Variants in KCNIP4 observed in about 807,000 individuals in gnomAD.
KCNIP4 encodes potassium voltage-gated channel interacting protein 4, also known as Kv channel-interacting protein 4.
KCNIP4 carries 12 observed loss-of-function variants against 34.0 expected under a neutral mutation model. The observed-to-expected ratio is 0.35, with a 90% confidence interval of 0.23 to 0.57. The LOEUF (loss-of-function observed/expected upper bound fraction) is 0.57, where lower values mean the gene tolerates loss of function less well. Among genes scored for constraint, KCNIP4 ranks in the 20% least tolerant of loss-of-function variants. KCNIP4 has a pLI of 0.83. For missense variants in KCNIP4, 238 were observed against 311.7 expected, an observed-to-expected ratio of 0.76 and a Z score of 1.78; for synonymous variants, 124 against 102.2, an observed-to-expected ratio of 1.21 and a Z score of -1.29.
chr4:21,687,833 T>C (rs925656490), intron 1 of KCNIP4, among the ~76,000 whole-genome samples: 5 of 152,196 alleles, frequency 3.3e-5, no homozygotes, highest in African/African-American at 1.2e-4. Flanking sequence ...CTAGGTGATA[T>C]CTGAGCTGAG....
intron 2 of KCNIP4, among the ~76,000 whole-genome samples, chr4:20,857,066 T>C (rs1487693535): frequency 1.3e-5 from 2 of 150,136 alleles, no homozygotes; most frequent in African/African-American, 2.4e-5. Flanking sequence ...AAAAACGCCC[T>C]TGAAGTGTCT....
intron 1 of KCNIP4, among the ~76,000 whole-genome samples, chr4:21,708,551 A>C (rs890200038): frequency 1.3e-5 from 2 of 152,086 alleles, no homozygotes; most frequent in African/African-American, 4.8e-5. Flanking sequence ...AAGATGACAA[A>C]ATTATGGCTC....
chr4:21,528,755 GAAAGAAAGAAAGAAAGAAAGA>G lies in KCNIP4; in HGVS notation c.61+419795_61+419815del, dbSNP rs1736310211. Among the ~76,000 whole-genome samples, 15 of 9,308 alleles carry G rather than the reference GAAAGAAAGAAAGAAAGAAAGA, an allele frequency of 1.6e-3. 2 individuals are homozygous for G. The highest frequency in any genetic ancestry group is 3.5e-3 in the Admixed American group (3 of 866). 6.1% of individuals were successfully genotyped at this position (9,308 alleles called of 152,430 possible). ...AGAAAGAAAGAAAGAAAGAAAGAAA[GAAAGAAAGAAAGAAAGAAAGA>G]AAGGAAGAAAGGAAGAAAGGAAGAA... On this transcript the variant is annotated intron_variant, in intron 1 of 8. Coordinates refer to ENST00000382152, the MANE Select transcript of KCNIP4 (RefSeq NM_025221.6).
intron 1 of KCNIP4, among the ~76,000 whole-genome samples, chr4:21,692,669 T>C (rs1300863405): frequency 6.6e-6 from 1 of 152,074 alleles, no homozygotes; most frequent in Non-Finnish European, 1.5e-5. Flanking sequence ...AATATAATCT[T>C]GTTTTATCAG....
intron 1 of KCNIP4, among the ~76,000 whole-genome samples, chr4:21,481,106 G>A (rs116364547): frequency 2.9e-3 from 443 of 152,274 alleles, no homozygotes; most frequent in African/African-American, 0.01. Context: ...CGGTTATCTG[G>A]AAAGTTGAAA....
chr4:21,192,504 A>C (rs1755725643), intron 1 of KCNIP4, among the ~76,000 whole-genome samples: 2 of 152,188 alleles, frequency 1.3e-5, no homozygotes, highest in Non-Finnish European at 2.9e-5. Flanking sequence ...CTCTCAATTT[A>C]TAAAGGACAG....
intron 3 of KCNIP4, among the ~76,000 whole-genome samples, chr4:20,842,501 C>G (rs1473048645): frequency 1.4e-5 from 2 of 144,892 alleles, no homozygotes; most frequent in Admixed American, 7.2e-5. Flanking sequence ...AGCATCTAAC[C>G]CAATATCTGA....
intron 1 of KCNIP4, among the ~76,000 whole-genome samples, chr4:21,408,330 T>C (rs531343900): frequency 6.6e-6 from 1 of 152,318 alleles, no homozygotes; most frequent in South Asian, 2.1e-4. Flanking sequence ...TAGCCTGTTT[T>C]GTTAATCAGG....
intron 1 of KCNIP4, among the ~76,000 whole-genome samples, chr4:21,150,521 T>TAGAG (rs1752681688): frequency 6.6e-6 from 1 of 152,154 alleles, no homozygotes; most frequent in African/African-American, 2.4e-5. Flanking sequence ...ACCCCTGTCT[T>TAGAG]AGAGGAGGGA....
chr4:20,781,799 A>C (rs1756898163), intron 3 of KCNIP4, among the ~76,000 whole-genome samples: 1 of 152,092 alleles, frequency 6.6e-6, no homozygotes, highest in African/African-American at 2.4e-5. Flanking sequence ...TCATGTCCTC[A>C]CATTTCAAAA....
chr4:21,192,731 T>G (rs1755739363), intron 1 of KCNIP4, among the ~76,000 whole-genome samples: 1 of 152,024 alleles, frequency 6.6e-6, no homozygotes, highest in South Asian at 2.1e-4. Flanking sequence ...TTCATTTAAA[T>G]GAAAAGAAAT....
intron 1 of KCNIP4, among the ~76,000 whole-genome samples, chr4:21,307,759 T>G (rs1187022192): frequency 1.3e-5 from 2 of 151,846 alleles, no homozygotes; most frequent in African/African-American, 2.4e-5. Flanking sequence ...TTTCCATACT[T>G]TTTTTTTAGG....
intron 1 of KCNIP4, among the ~76,000 whole-genome samples, chr4:21,662,723 A>T (rs1748543701): frequency 6.6e-6 from 1 of 152,224 alleles, no homozygotes; most frequent in South Asian, 2.1e-4. Flanking sequence ...TTACTAGAAA[A>T]ACTAAAGTAT....
intron 1 of KCNIP4, among the ~76,000 whole-genome samples, chr4:21,919,564 G>A (rs1328068497): frequency 5.3e-5 from 8 of 152,110 alleles, no homozygotes; most frequent in South Asian, 2.1e-4. Context: ...ACAGAAATAC[G>A]ATTATGTTTA....
chr4:21,838,479 G>GTT (rs1404480805), intron 1 of KCNIP4, among the ~76,000 whole-genome samples: 1 of 152,156 alleles, frequency 6.6e-6, no homozygotes, highest in Non-Finnish European at 1.5e-5. Flanking sequence ...TTCCACCCCA[G>GTT]TCATAGAAGA....
chr4:21,518,196 T>C (rs1398334272), intron 1 of KCNIP4, among the ~76,000 whole-genome samples: 1 of 152,170 alleles, frequency 6.6e-6, no homozygotes, highest in Non-Finnish European at 1.5e-5. Flanking sequence ...CCATCAAACA[T>C]TCACTGGCTA....
At chr4:21,579,840 C>T (rs1330038074) in intron 1 of KCNIP4, among the ~76,000 whole-genome samples, 1 of 152,062 alleles carries the variant, frequency 6.6e-6, no homozygotes, top group African/African-American at 2.4e-5. Flanking sequence ...TGTAGCAGAA[C>T]AAGAATATAT....
intron 1 of KCNIP4, among the ~76,000 whole-genome samples, chr4:21,071,700 T>C (rs571235915): frequency 2.8e-4 from 43 of 152,234 alleles, no homozygotes; most frequent in African/African-American, 1.0e-3. Flanking sequence ...TGTGCAGGTT[T>C]GTTACATATG....
At chr4:20,787,268 C>T (rs540201297) in intron 3 of KCNIP4, among the ~76,000 whole-genome samples, 10 of 152,252 alleles carry the variant, frequency 6.6e-5, no homozygotes, top group East Asian at 3.9e-4. Flanking sequence ...CCCTTTCAAA[C>T]GCCTACATCT....
Sources: gnomAD v4.1 joint callset for allele counts (sites outside exome capture counted in the v4.1 genomes callset) on GRCh38, gnomAD v4.1.1 for gene constraint, MANE v1.5 for transcripts, NCBI Gene and HGNC (gene_info 2026-07-23, HGNC 2026-07-21) for gene names.